The following TRNAU1AP variants were observed in gnomAD, a reference collection of about 807,000 sequenced individuals.
TRNAU1AP encodes tRNA selenocysteine 1 associated protein 1, also known as tRNA selenocysteine 1-associated protein 1.
TRNAU1AP carries 33 observed loss-of-function variants against 43.3 expected under a neutral mutation model. The observed-to-expected ratio is 0.76, with a 90% CI of 0.58 to 1.02. The LOEUF (loss-of-function observed/expected upper bound fraction) is 1.02. Among genes scored for constraint, TRNAU1AP ranks in the 50% least tolerant of loss-of-function variants. The pLI, the probability that TRNAU1AP is intolerant of heterozygous loss-of-function variation, is 0.00. For synonymous variants in TRNAU1AP, 143 were observed against 129.1 expected (o/e 1.11, Z -0.73); for missense variants, 290 against 362.7 (o/e 0.80, Z 1.63).
chr1:28,577,452 T>C, intron 8 of TRNAU1AP, 48 bp from the exon 9 acceptor site: 8 of 1,600,092 alleles, frequency 5.0e-6, no homozygotes, highest in Non-Finnish European at 6.8e-6. Context: ...CCAGGTCCCT[T>C]GCAGCTGTCC....
intron 4 of TRNAU1AP, among the ~76,000 whole-genome samples, chr1:28,561,944 C>A (rs549049928): frequency 2.0e-5 from 3 of 151,992 alleles, no homozygotes; most frequent in East Asian, 1.9e-4. Flanking sequence ...TGGTGGCAGG[C>A]GCCTGTAGTC....
At chr1:28,553,229 C>T (rs1241716790) in intron 1 of TRNAU1AP, 92 bp downstream of exon 1, 3 of 1,326,932 alleles carry the variant, frequency 2.3e-6, no homozygotes, top group Non-Finnish European at 3.0e-6. Flanking sequence ...GACTTGGGAT[C>T]CCAGAAAGGG....
chr1:28,563,687 A>G (rs1239862747), intron 4 of TRNAU1AP, among the ~76,000 whole-genome samples: 3 of 151,790 alleles, frequency 2.0e-5, no homozygotes, highest in Non-Finnish European at 2.9e-5. Flanking sequence ...CCGTCTCAAA[A>G]AAAAAAAAAA....
intron 8 of TRNAU1AP, among the ~76,000 whole-genome samples, chr1:28,573,313 G>A (rs1665702446): frequency 6.7e-6 from 1 of 148,738 alleles, no homozygotes; most frequent in Non-Finnish European, 1.5e-5. Flanking sequence ...ACAGGGGTGA[G>A]CCACCGTGCC....
At chr1:28,572,200 T>G (rs1441713599) in intron 8 of TRNAU1AP, among the ~76,000 whole-genome samples, 2 of 151,596 alleles carry the variant, frequency 1.3e-5, no homozygotes, top group Non-Finnish European at 2.9e-5. Flanking sequence ...ACCCTTTTTT[T>G]GTGTGTGTGT....
intron 8 of TRNAU1AP, among the ~76,000 whole-genome samples, chr1:28,576,924 G>C (rs75350856): frequency 0.049 from 7,499 of 152,216 alleles, 603 homozygotes; most frequent in African/African-American, 0.17. Context: ...TTTACCACCA[G>C]GGACAGGGAC....
intron 1 of TRNAU1AP, 180 bp from the exon 2 acceptor site, chr1:28,553,459 TA>T: frequency 1.5e-6 from 1 of 647,026 alleles, no homozygotes; most frequent in Non-Finnish European, 2.7e-6. Flanking sequence ...GGAGGCTCCC[TA>T]AAGCGGGGCA....
At chr1:28,553,523 G>GC in intron 1 of TRNAU1AP, 117 bp from the exon 2 acceptor site, 1 of 959,054 alleles carries the variant, frequency 1.0e-6, no homozygotes, top group Non-Finnish European at 1.6e-6. Context: ...GGCGAACCTC[G>GC]CCCCTCGCTC....
At chr1:28,574,848 T>C (rs1273301142) in intron 8 of TRNAU1AP, 1 of 152,202 alleles carries the variant, frequency 6.6e-6, no homozygotes, top group Non-Finnish European at 1.5e-5. Context: ...ATGAACAAAC[T>C]TGTCTAGTTC....
At chr1:28,576,002 AG>A (rs1387876400) in intron 8 of TRNAU1AP, among the ~76,000 whole-genome samples, 1 of 151,112 alleles carries the variant, frequency 6.6e-6, no homozygotes, top group Non-Finnish European at 1.5e-5. Context: ...CTGGGACTAC[AG>A]GCGTGCACTG....
intron 2 of TRNAU1AP, among the ~76,000 whole-genome samples, chr1:28,559,717 C>T (rs904456242): frequency 2.0e-5 from 3 of 151,992 alleles, no homozygotes; most frequent in Non-Finnish European, 4.4e-5. Flanking sequence ...TGGTGTTTTG[C>T]ATAGTCTATC....
chr1:28,558,653 C>A (rs1335502685), intron 2 of TRNAU1AP, among the ~76,000 whole-genome samples: 1 of 150,410 alleles, frequency 6.6e-6, no homozygotes, highest in Non-Finnish European at 1.5e-5. Context: ...CAAGCTCTGC[C>A]TCCTGGGTTC....
chr1:28,559,400 G>A (rs983958607), intron 2 of TRNAU1AP, among the ~76,000 whole-genome samples: 25 of 152,078 alleles, frequency 1.6e-4, no homozygotes, highest in African/African-American at 5.3e-4. Context: ...AGGCCGAGGC[G>A]GGCAGATCAC....
intron 6 of TRNAU1AP, among the ~76,000 whole-genome samples, chr1:28,569,252 G>A (rs1277939363): frequency 1.3e-5 from 2 of 152,172 alleles, no homozygotes; most frequent in African/African-American, 4.8e-5. Context: ...CATTAAATTA[G>A]CTGGGCTTGG....
chr1:28,558,871 G>A (rs1366079369), intron 2 of TRNAU1AP, among the ~76,000 whole-genome samples: 1 of 152,016 alleles, frequency 6.6e-6, no homozygotes, highest in Non-Finnish European at 1.5e-5. Flanking sequence ...GGCGAAACTG[G>A]ACGTTTTCTT....
chr1:28,567,044 G>A (rs1160626847), intron 5 of TRNAU1AP, among the ~76,000 whole-genome samples: 1 of 152,204 alleles, frequency 6.6e-6, no homozygotes, highest in Non-Finnish European at 1.5e-5. Flanking sequence ...GTGTCGAGGA[G>A]GATGGTGAAC....
At chr1:28,572,210 T>G (rs1192455572) in intron 8 of TRNAU1AP, among the ~76,000 whole-genome samples, 1 of 152,072 alleles carries the variant, frequency 6.6e-6, no homozygotes, top group Non-Finnish European at 1.5e-5. Flanking sequence ...TGTGTGTGTG[T>G]GTGGTGGAGT....
chr1:28,572,563 TTC>T (rs2124214842), intron 8 of TRNAU1AP, among the ~76,000 whole-genome samples: 1 of 152,196 alleles, frequency 6.6e-6, no homozygotes, highest in Non-Finnish European at 1.5e-5. Flanking sequence ...TTTATTTTTT[TTC>T]TGTTTTTCAA....
chr1:28,558,554 C>T (rs1178823317), intron 2 of TRNAU1AP, among the ~76,000 whole-genome samples: 5 of 146,400 alleles, frequency 3.4e-5, no homozygotes, highest in Admixed American at 7.0e-5. Flanking sequence ...CCACTACGCC[C>T]GACTAATTTT....
Sources: gnomAD v4.1 joint callset for allele counts (sites outside exome capture counted in the v4.1 genomes callset) on GRCh38, gnomAD v4.1.1 for gene constraint, MANE v1.5 for transcripts, NCBI Gene and HGNC (gene_info 2026-07-23, HGNC 2026-07-21) for gene names.